The following ELP4 variants were observed in gnomAD, a reference collection of about 807,000 sequenced individuals.
The protein encoded by ELP4 is elongator complex protein 4.
A neutral mutation model predicts 48.9 loss-of-function variants in ELP4; 51 were observed. The observed-to-expected ratio is 1.04, with a 90% CI of 0.83 to 1.32. ELP4 has a LOEUF of 1.32. Among genes scored for constraint, ELP4 ranks in the 40% most tolerant of loss-of-function variants. The probability of loss-of-function intolerance (pLI) is 0.00; values close to 1 mark genes in which losing one functional copy is unlikely to be tolerated. For synonymous variants in ELP4, 210 were observed against 189.2 expected (o/e 1.11, Z -0.90); for missense variants, 519 against 514.6 (o/e 1.01, Z -0.08).
At chr11:31,606,422 A>T (rs1957876554) in intron 5 of ELP4, among the ~76,000 whole-genome samples, 1 of 152,112 alleles carries the variant, frequency 6.6e-6, no homozygotes, top group South Asian at 2.1e-4. Context: ...ATATGTGAGG[A>T]TATAATATAT....
Position 31,789,305 on chromosome 11 carries a change from C to G in ELP4, c.*5781C>G, listed in dbSNP as rs1459327282. ...AATTGGATTATATCGAAGACACACT[C>G]TACCTTTTAGCTATCAACTTTTTTT... On this transcript the variant is annotated 3_prime_UTR_variant, in exon 10 of 10. Coordinates refer to ENST00000640961, the MANE Select transcript of ELP4 (RefSeq NM_019040.5). 4.2e-6 allele frequency: 1 copy of G among 240,184 alleles called. No individual in the cohort carries two copies. The highest frequency in any genetic ancestry group is 6.4e-5 in the East Asian group (1 of 15,676). 14.9% of individuals were successfully genotyped at this position (240,184 alleles called of 1,614,324 possible). A position where few individuals can be genotyped will look rare whatever the true frequency, so the allele number is the denominator to read the frequency against.
At chr11:31,701,028 T>C (rs1219932243) in intron 9 of ELP4, among the ~76,000 whole-genome samples, 1 of 152,118 alleles carries the variant, frequency 6.6e-6, no homozygotes, top group Non-Finnish European at 1.5e-5. Context: ...TTTCAAGCAG[T>C]ACCTTTTTAA....
At chr11:31,530,356 A>T (rs1423004850) in intron 2 of ELP4, among the ~76,000 whole-genome samples, 3 of 152,180 alleles carry the variant, frequency 2.0e-5, no homozygotes, top group Non-Finnish European at 4.4e-5. Flanking sequence ...CGTAACAAAA[A>T]CTTGAGAGCT....
intron 9 of ELP4, among the ~76,000 whole-genome samples, chr11:31,668,858 A>C (rs11031445): frequency 0.27 from 41,261 of 151,842 alleles, 5,939 homozygotes; most frequent in African/African-American, 0.36. Context: ...GGTGAGATCA[A>C]CCATAGCTGT....
At chr11:31,549,941 A>G (rs12222110) in intron 3 of ELP4, among the ~76,000 whole-genome samples, 4 of 152,218 alleles carry the variant, frequency 2.6e-5, no homozygotes, top group East Asian at 3.9e-4. Flanking sequence ...AACAATGAGA[A>G]CACATGGACA....
chr11:31,719,735 C>T (rs368268251), intron 9 of ELP4: 21 of 334,356 alleles, frequency 6.3e-5, no homozygotes, highest in South Asian at 6.1e-4. Context: ...ACTGACTTTT[C>T]GCTAATGATA....
At chr11:31,531,215 T>A (rs894755437) in intron 2 of ELP4, among the ~76,000 whole-genome samples, 14 of 152,226 alleles carry the variant, frequency 9.2e-5, no homozygotes, top group Admixed American at 3.9e-4. Context: ...TATATGTGTA[T>A]AAAATGGTGT....
At chr11:31,593,140 A>T (rs1349180867) in intron 3 of ELP4, among the ~76,000 whole-genome samples, 1 of 152,186 alleles carries the variant, frequency 6.6e-6, no homozygotes, top group Non-Finnish European at 1.5e-5. Context: ...CATTTGTAGG[A>T]TTCCTAACAT....
intron 9 of ELP4, among the ~76,000 whole-genome samples, chr11:31,759,085 T>G (rs1947892312): frequency 6.6e-6 from 1 of 152,204 alleles, no homozygotes; most frequent in African/African-American, 2.4e-5. Flanking sequence ...GCTTAATATG[T>G]TTTTATTTAA....
chr11:31,734,427 C>G (rs1295929794), intron 9 of ELP4, among the ~76,000 whole-genome samples: 8 of 152,142 alleles, frequency 5.3e-5, no homozygotes, highest in African/African-American at 1.9e-4. Context: ...AAAATGCTGT[C>G]TGTTTAAGAT....
chr11:31,641,391 A>C (rs1161599291), intron 7 of ELP4, among the ~76,000 whole-genome samples: 2 of 151,900 alleles, frequency 1.3e-5, no homozygotes, highest in Non-Finnish European at 2.9e-5. Context: ...ATTCAAAGGC[A>C]TTCTTAATTT....
chr11:31,673,528 C>T (rs540845417), intron 9 of ELP4, among the ~76,000 whole-genome samples: 4 of 152,042 alleles, frequency 2.6e-5, no homozygotes, highest in East Asian at 1.9e-4. Flanking sequence ...GGAGTCTCGC[C>T]GTGTTGCCCA....
At chr11:31,580,002 T>C (rs1957360900) in intron 3 of ELP4, among the ~76,000 whole-genome samples, 1 of 152,090 alleles carries the variant, frequency 6.6e-6, no homozygotes, top group South Asian at 2.1e-4. Context: ...TGGTGTTGAA[T>C]TTTATAGTGA....
chr11:31,539,892 G>A (rs1436948720), intron 3 of ELP4, 109 bp downstream of exon 3: 3 of 804,556 alleles, frequency 3.7e-6, no homozygotes, highest in Non-Finnish European at 3.4e-6. Context: ...ATATTTAAAT[G>A]CATTAACGGA....
intron 9 of ELP4, among the ~76,000 whole-genome samples, chr11:31,706,142 G>A (rs1378520416): frequency 1.3e-5 from 2 of 151,998 alleles, no homozygotes; most frequent in African/African-American, 4.8e-5. Context: ...TATAATAATT[G>A]TACATATTCA....
intron 9 of ELP4, among the ~76,000 whole-genome samples, chr11:31,664,744 T>G (rs921421834): frequency 6.6e-6 from 1 of 152,080 alleles, no homozygotes; most frequent in Non-Finnish European, 1.5e-5. Context: ...TTAAACAAAT[T>G]TTTAAAAAAC....
intron 9 of ELP4, among the ~76,000 whole-genome samples, chr11:31,741,642 G>A (rs1487854348): frequency 3.3e-5 from 5 of 152,306 alleles, no homozygotes; most frequent in Non-Finnish European, 1.5e-5. Context: ...ACAGGGTCTG[G>A]AGTGGACCTC....
intron 3 of ELP4, among the ~76,000 whole-genome samples, chr11:31,574,374 C>T (rs1004671832): frequency 1.3e-5 from 2 of 152,106 alleles, no homozygotes; most frequent in Non-Finnish European, 2.9e-5. Context: ...CATAATGGAA[C>T]AAAAGGCAGC....
Position 31,518,493 on chromosome 11 carries a change from GA to G in ELP4, c.224-1562del, listed in dbSNP as rs1293686734. Among the ~76,000 whole-genome samples the G allele has an allele frequency of 1.3e-3, 175 of 132,532 alleles. 2 individuals carry two copies. Among genetic ancestry groups the G allele is most frequent in the East Asian group, 6.7e-4 (3 of 4,502 alleles). The allele number at this position is 132,532 out of a possible 152,430, so 86.9% of individuals were successfully genotyped here. A position where few individuals can be genotyped will look rare whatever the true frequency, so the allele number is the denominator to read the frequency against. ...TTCATGATTATATTACCATAGTTCAGATTTTTTTTTTTTTTTTTTTCTGAAA... is the reference window on the plus strand; with the variant it reads ...TTCATGATTATATTACCATAGTTCAGTTTTTTTTTTTTTTTTTTTCTGAAA... On this transcript the variant is annotated intron_variant, in intron 1 of 9. Coordinates refer to ENST00000640961, the MANE Select transcript of ELP4 (RefSeq NM_019040.5).
Sources: allele counts gnomAD v4.1 joint callset (sites outside exome capture counted in the v4.1 genomes callset), GRCh38; gene constraint gnomAD v4.1.1; transcripts MANE v1.5; gene names NCBI Gene and HGNC (gene_info 2026-07-23, HGNC 2026-07-21).